CADPS: variants seen among roughly 807,000 people sequenced by gnomAD.
The protein encoded by CADPS is calcium-dependent secretion activator 1.
A neutral mutation model predicts 167.3 loss-of-function variants in CADPS; 57 were observed. The observed-to-expected ratio is 0.34, with a 90% CI of 0.28 to 0.42. The LOEUF (loss-of-function observed/expected upper bound fraction) is 0.42, where lower values mean the gene tolerates loss of function less well. Among genes scored for constraint, CADPS ranks in the 20% least tolerant of loss-of-function variants. CADPS has a pLI of 1.00. For missense variants in CADPS, 1,414 were observed against 1,738.1 expected, an observed-to-expected ratio of 0.81 and a Z score of 3.32; for synonymous variants, 676 against 635.3, an observed-to-expected ratio of 1.06 and a Z score of -0.96.
intron 17 of CADPS, among the ~76,000 whole-genome samples, chr3:62,509,976 C>T (rs531758850): frequency 6.6e-6 from 1 of 152,104 alleles, no homozygotes; most frequent in African/African-American, 2.4e-5. Context: ...GTAAAGGGTG[C>T]AAAAATAAAG....
chr3:62,814,710 AAC>A lies in CADPS; in HGVS notation c.442-48728_442-48727del, dbSNP rs145074561. Among the ~76,000 whole-genome samples, 315 of 152,286 alleles carry A rather than the reference AAC, an allele frequency of 2.1e-3. 1 individual carries two copies. The highest frequency in any genetic ancestry group is 7.2e-3 in the African/African-American group (298 of 41,566). ...CTGTCAAGCCATATTCTGAAAATAT[AAC>A]ACAAATTTGTTGCTGCAAGACCATG... On this transcript the variant is annotated intron_variant, in intron 1 of 29. Transcript: ENST00000383710.
intron 3 of CADPS, among the ~76,000 whole-genome samples, chr3:62,667,276 C>T (rs2074628387): frequency 6.6e-6 from 1 of 152,010 alleles, no homozygotes; most frequent in South Asian, 2.1e-4. Flanking sequence ...TGGGGAGTCA[C>T]CAGATGTTAA....
At chr3:62,449,798 AGTGT>A (rs71786216) in intron 26 of CADPS, among the ~76,000 whole-genome samples, 35 of 150,478 alleles carry the variant, frequency 2.3e-4, no homozygotes, top group Non-Finnish European at 3.5e-4. Context: ...TTGTTAAAAG[AGTGT>A]GTGTGTGTGT....
At chr3:62,730,848 G>A (rs1335239900) in intron 3 of CADPS, among the ~76,000 whole-genome samples, 1 of 152,236 alleles carries the variant, frequency 6.6e-6, no homozygotes, top group Non-Finnish European at 1.5e-5. Flanking sequence ...TGGAATGGAA[G>A]AGGAATTTGG....
At chr3:62,610,413 G>C (rs1018839014) in intron 6 of CADPS, among the ~76,000 whole-genome samples, 2 of 151,922 alleles carry the variant, frequency 1.3e-5, no homozygotes, top group Admixed American at 1.3e-4. Flanking sequence ...AACAGGCCTG[G>C]ATCATTTTTG....
rs1247012674 is a variant in CADPS, at chr3:62,874,769, G to T, written c.261C>A (p.Gly87=). The T allele has an allele frequency of 7.0e-7, 1 of 1,435,994 alleles. No homozygotes were observed. Among genetic ancestry groups the T allele is most frequent in the Non-Finnish European group, 9.4e-7 (1 of 1,058,780 alleles). The allele number at this position is 1,435,994 out of a possible 1,614,324, so 89.0% of individuals were successfully genotyped here. Residue 87 remains glycine, a synonymous_variant, in exon 1 of 30, where the codon GGC becomes GGA. Transcript: ENST00000383710. This position sits in a 1 kb window ranked among gnomAD's most constrained non-coding sequence, Gnocchi z 7.1. ...GLQPSSRAGG[G]RPSSPSPSVV... ...CCGACGGGCTGGGGCTGGAGGGCCG[G>T]CCGCCGCCAGCGCGGCTGCTGGGTT...
intron 8 of CADPS, among the ~76,000 whole-genome samples, chr3:62,571,867 G>A (rs1271712967): frequency 1.3e-5 from 2 of 152,036 alleles, no homozygotes; most frequent in African/African-American, 4.8e-5. Flanking sequence ...CCTGGCGTAA[G>A]GTCAATATTA....
Position 62,601,407 on chromosome 3 carries a change from G to A in CADPS, c.1326-8659C>T, listed in dbSNP as rs950210871. On this transcript the variant is annotated intron_variant, in intron 6 of 29. Transcript: ENST00000383710. This position sits in a 1 kb window ranked among gnomAD's most constrained non-coding sequence, Gnocchi z 4.3. ...TGGTCCTTTATAGAAAAAGTTTGCC[G>A]ATCTCTGTTACAAACAGTTAAATTG... Among the ~76,000 whole-genome samples, 9 of 152,166 alleles carry A rather than the reference G, an allele frequency of 5.9e-5. No homozygotes were observed. The highest frequency in any genetic ancestry group is 1.9e-4 in the East Asian group (1 of 5,192).
intron 1 of CADPS, among the ~76,000 whole-genome samples, chr3:62,844,490 C>A (rs1039627013): frequency 6.6e-6 from 1 of 152,166 alleles, no homozygotes; most frequent in Non-Finnish European, 1.5e-5. Context: ...TCCTTTTACA[C>A]TTTACTGAGG....
At chr3:62,869,082 A>G (rs2082186936) in intron 1 of CADPS, among the ~76,000 whole-genome samples, 1 of 152,112 alleles carries the variant, frequency 6.6e-6, no homozygotes, top group Non-Finnish European at 1.5e-5. Context: ...ATACTGGTTG[A>G]GCATCCCTAA....
At chr3:62,648,154 C>T (rs1424888444) in intron 5 of CADPS, among the ~76,000 whole-genome samples, 4 of 152,164 alleles carry the variant, frequency 2.6e-5, no homozygotes, top group African/African-American at 9.7e-5. Flanking sequence ...CCTCATTGTG[C>T]CCACCAAAAC....
At chr3:62,735,556 A>G (rs1435547607) in intron 3 of CADPS, among the ~76,000 whole-genome samples, 3 of 152,162 alleles carry the variant, frequency 2.0e-5, no homozygotes, top group Admixed American at 1.3e-4. Context: ...CTGTGCTAGT[A>G]TCCATTTTAA....
intron 4 of CADPS, among the ~76,000 whole-genome samples, chr3:62,661,953 A>G (rs2073331711): frequency 6.6e-6 from 1 of 152,132 alleles, no homozygotes; most frequent in Non-Finnish European, 1.5e-5. Context: ...GAGTAAATAT[A>G]GTTATGTGTG....
chr3:62,513,770 G>C (rs1290279759), intron 16 of CADPS: 1 of 1,052,214 alleles, frequency 9.5e-7, no homozygotes, highest in African/African-American at 1.6e-5. Flanking sequence ...AAAGGTCATA[G>C]GTTAGAGGAA....
chr3:62,762,656 CAAA>C (rs35231096), intron 2 of CADPS, among the ~76,000 whole-genome samples: 15 of 53,138 alleles, frequency 2.8e-4, no homozygotes, highest in Admixed American at 4.4e-4. Context: ...AACCCGGACT[CAAA>C]AAAAAAAAAA....
At chr3:62,870,418 A>G (rs2082414398) in intron 1 of CADPS, among the ~76,000 whole-genome samples, 1 of 152,172 alleles carries the variant, frequency 6.6e-6, no homozygotes, top group Non-Finnish European at 1.5e-5. Flanking sequence ...ATAGTTAGCT[A>G]GCACTAGGTC....
intron 1 of CADPS, among the ~76,000 whole-genome samples, chr3:62,766,485 C>G (rs2086899841): frequency 2.0e-5 from 3 of 152,132 alleles, no homozygotes; most frequent in Admixed American, 6.6e-5. Context: ...CATGTAACAG[C>G]AAACACAGCA....
At chr3:62,871,625 A>G (rs1437771514) in intron 1 of CADPS, among the ~76,000 whole-genome samples, 1 of 152,190 alleles carries the variant, frequency 6.6e-6, no homozygotes, top group Non-Finnish European at 1.5e-5. Context: ...AAAATTTCCA[A>G]GTCTCAGTTT....
In CADPS at chr3:62,592,672, C is replaced by T; in HGVS notation, c.1402G>A (p.Gly468Ser). Reference protein sequence around the residue: ...VKVKLFTESTGVLALEDKELG... With the variant: ...VKVKLFTESTSVLALEDKELG... ...TCCTTGTCCTCCAACGCCAGGACGC[C>T]TGTGCTCTCTGTGAACAGCTTCACC... The change falls in exon 7 of 30, where the codon GGC (glycine) becomes AGC (serine). Residue 468 changes from glycine to serine, a missense_variant. Physicochemically the swap from Gly to Ser is moderately conservative, Grantham distance 56. This residue lies in a region of CADPS where 157 missense variants were observed against 229.4 expected (regional missense o/e 0.68). Transcript: ENST00000383710. The T allele has an allele frequency of 6.2e-7, 1 of 1,614,034 alleles. No homozygotes were observed. The highest frequency in any genetic ancestry group is 8.5e-7 in the Non-Finnish European group (1 of 1,179,884).
Sources: allele counts gnomAD v4.1 joint callset (sites outside exome capture counted in the v4.1 genomes callset), GRCh38; gene constraint gnomAD v4.1.1; regional missense constraint gnomAD v4.1.1; non-coding constraint Gnocchi (gnomAD v3.1); transcripts MANE v1.5; gene names NCBI Gene and HGNC (gene_info 2026-07-23, HGNC 2026-07-21).